FGF14: variants seen among roughly 807,000 people sequenced by gnomAD.
FGF14 encodes fibroblast growth factor 14.
FGF14 carries 5 observed loss-of-function variants against 25.5 expected under a neutral mutation model. The ratio of observed to expected loss-of-function variants is 0.20; its 90% CI spans 0.10 to 0.41. The LOEUF (loss-of-function observed/expected upper bound fraction) is 0.41. Among genes scored for constraint, FGF14 ranks in the 10% least tolerant of loss-of-function variants. FGF14 has a pLI of 1.00. For synonymous variants in FGF14, 138 were observed against 118.3 expected, an observed-to-expected ratio of 1.17 and a Z score of -1.08; for missense variants, 222 against 320.1, an observed-to-expected ratio of 0.69 and a Z score of 2.34.
At chr13:102,362,557 A>G (rs2057597066) in intron 1 of FGF14, among the ~76,000 whole-genome samples, 1 of 152,242 alleles carries the variant, frequency 6.6e-6, no homozygotes. Flanking sequence ...GATAACTGCA[A>G]TATGAACAGA....
chr13:101,933,930 A>G (rs1314034874), intron 1 of FGF14, among the ~76,000 whole-genome samples: 1 of 152,226 alleles, frequency 6.6e-6, no homozygotes, highest in Non-Finnish European at 1.5e-5. Context: ...ACACACATAT[A>G]TATATACATG....
intron 1 of FGF14, among the ~76,000 whole-genome samples, chr13:102,069,428 C>T (rs1000711248): frequency 4.6e-5 from 7 of 152,288 alleles, no homozygotes; most frequent in East Asian, 1.9e-4. Flanking sequence ...ATTGGCAACC[C>T]GCTCGGGTCC....
intron 3 of FGF14, among the ~76,000 whole-genome samples, chr13:101,853,663 C>T (rs560161094): frequency 1.3e-5 from 2 of 151,972 alleles, no homozygotes; most frequent in African/African-American, 2.4e-5. Flanking sequence ...ACTATATTGC[C>T]GAGGCTGATC....
Position 101,714,655 on chromosome 13 carries a change from C to A in FGF14, c.*8176G>T, listed in dbSNP as rs111382410. On this transcript the variant is annotated 3_prime_UTR_variant, in exon 5 of 5. Coordinates refer to ENST00000376143, the MANE Select transcript of FGF14 (RefSeq NM_004115.4). ...AGGTGGCTGGACCAACAGGGCCAAC[C>A]GTGAATATGAAATATCTACCAAAGG... is the stretch of plus-strand genomic sequence containing the variant. 2.8e-6 allele frequency: 2 copies of A among 721,182 alleles called. No individual in the cohort carries two copies. Among genetic ancestry groups the A allele is most frequent in the African/African-American group, 1.8e-5 (1 of 56,964 alleles). The allele number at this position is 721,182 out of a possible 1,614,324, so 44.7% of individuals were successfully genotyped here. A position where few individuals can be genotyped will look rare whatever the true frequency, so the allele number is the denominator to read the frequency against.
intron 1 of FGF14, among the ~76,000 whole-genome samples, chr13:101,902,176 A>G (rs1055178678): frequency 6.6e-6 from 1 of 152,194 alleles, no homozygotes; most frequent in Non-Finnish European, 1.5e-5. Flanking sequence ...CTGAGATGAG[A>G]ATATATACAA....
chr13:102,243,000 T>G (rs1393104328), intron 1 of FGF14, among the ~76,000 whole-genome samples: 1 of 152,122 alleles, frequency 6.6e-6, no homozygotes, highest in African/African-American at 2.4e-5. Context: ...GTAAAAACAG[T>G]GTGTTCTACT....
intron 3 of FGF14, among the ~76,000 whole-genome samples, chr13:101,765,718 T>TTTTATTTATTTATTTA (rs561624693): frequency 8.2e-4 from 118 of 143,388 alleles, no homozygotes; most frequent in African/African-American, 3.0e-3. Flanking sequence ...ATTATTATTA[T>TTTTATTTATTTATTTA]TTTATTTATT....
intron 3 of FGF14, among the ~76,000 whole-genome samples, chr13:101,849,569 AT>A (rs1441810415): frequency 6.6e-6 from 1 of 152,102 alleles, no homozygotes; most frequent in East Asian, 1.9e-4. Context: ...CGTTAATGAT[AT>A]TTACATAAAA....
chr13:102,025,981 C>T (rs570081346), intron 1 of FGF14, among the ~76,000 whole-genome samples: 1 of 152,022 alleles, frequency 6.6e-6, no homozygotes, highest in South Asian at 2.1e-4. Context: ...TCTTCAAATA[C>T]AATGTTAAAC....
chr13:102,333,538 G>C (rs949679243), intron 1 of FGF14, among the ~76,000 whole-genome samples: 10 of 152,102 alleles, frequency 6.6e-5, no homozygotes, highest in African/African-American at 2.4e-4. Flanking sequence ...GCAAGAAGAG[G>C]CCCCTGGGCT....
intron 1 of FGF14, among the ~76,000 whole-genome samples, chr13:102,328,177 C>G (rs1293424757): frequency 3.3e-5 from 5 of 152,126 alleles, no homozygotes; most frequent in Non-Finnish European, 7.4e-5. Context: ...TGAATTTTAA[C>G]ATAAACAAAC....
Position 101,727,266 on chromosome 13 carries a change from T to C in FGF14, c.409-456A>G, listed in dbSNP as rs78885672. 4.9e-4 allele frequency among the ~76,000 whole-genome samples: 75 copies of C among 152,196 alleles called. 3 individuals are homozygous for C. In the East Asian group the frequency reaches 0.014, roughly 29 times the overall value. ...TCCTTGGATCACTGAAATCACAGGG[T>C]GATACATTTTACTTACAAAGGAACA... On this transcript the variant is annotated intron_variant, in intron 3 of 4. Transcript: ENST00000376143.
At position 101,722,862 on chromosome 13, in the gene FGF14, C is replaced by CCT; in HGVS notation, c.711_712dup (p.Gly238GlufsTer24). 6.2e-7 allele frequency: 1 copy of CCT among 1,613,316 alleles called. No individual in the cohort carries two copies. ...TGTCTTACTCTTGTTGACTGGTTTG[C>CCT]CTCCATTCATTATTGCAGACGCACT... On this transcript the variant is annotated frameshift_variant, in exon 5 of 5. Transcript: ENST00000376143. LOFTEE classifies it high-confidence loss of function.
At chr13:102,173,969 G>A (rs1030485153) in intron 1 of FGF14, among the ~76,000 whole-genome samples, 2 of 151,928 alleles carry the variant, frequency 1.3e-5, no homozygotes, top group South Asian at 4.2e-4. Context: ...AGAATAAAAG[G>A]CATCCAAATT....
At chr13:102,078,514 T>C (rs948559791) in intron 1 of FGF14, among the ~76,000 whole-genome samples, 30 of 152,198 alleles carry the variant, frequency 2.0e-4, no homozygotes, top group African/African-American at 7.0e-4. Context: ...ATACTATGAA[T>C]ATGTGCAATC....
chr13:102,212,608 C>T (rs964240505), intron 1 of FGF14, among the ~76,000 whole-genome samples: 1 of 152,168 alleles, frequency 6.6e-6, no homozygotes, highest in Non-Finnish European at 1.5e-5. Flanking sequence ...CTACAAATAA[C>T]ATACTCTGGG....
At chr13:101,927,347 TCCCCAAGACA>T (rs1231650573) in intron 1 of FGF14, among the ~76,000 whole-genome samples, 1 of 152,194 alleles carries the variant, frequency 6.6e-6, no homozygotes, top group East Asian at 1.9e-4. Flanking sequence ...CACAAATTTT[TCCCCAAGACA>T]CCTAATCGAT....
At chr13:102,343,873 C>T (rs907073601) in intron 1 of FGF14, among the ~76,000 whole-genome samples, 3 of 152,284 alleles carry the variant, frequency 2.0e-5, no homozygotes, top group African/African-American at 4.8e-5. Flanking sequence ...ATTCTAACCC[C>T]ATCTTTCCCT....
At chr13:101,960,697 G>A (rs961578285) in intron 1 of FGF14, among the ~76,000 whole-genome samples, 3 of 152,098 alleles carry the variant, frequency 2.0e-5, no homozygotes, top group Admixed American at 1.3e-4. Flanking sequence ...TAGTCCTTCG[G>A]GTGTATATCC....
Sources: gnomAD v4.1 joint callset for allele counts (sites outside exome capture counted in the v4.1 genomes callset) on GRCh38, gnomAD v4.1.1 for gene constraint, MANE v1.5 for transcripts, NCBI Gene and HGNC (gene_info 2026-07-23, HGNC 2026-07-21) for gene names.